AGBL1: variants seen among roughly 807,000 people sequenced by gnomAD.
The protein encoded by AGBL1 is cytosolic carboxypeptidase 4.
Under a neutral mutation model 118.9 loss-of-function variants are expected in AGBL1, and 130 were observed. That is an observed-to-expected ratio of 1.09 (90% CI 0.95 to 1.26). The LOEUF (loss-of-function observed/expected upper bound fraction) is 1.26. Among genes scored for constraint, AGBL1 ranks in the 50% most tolerant of loss-of-function variants. AGBL1 has a pLI of 0.00. For synonymous variants in AGBL1, 555 were observed against 478.9 expected (o/e 1.16, Z -2.08); for missense variants, 1,584 against 1,298.1 (o/e 1.22, Z -3.38).
chr15:86,551,072 G>A (rs1289151995), intron 20 of AGBL1, among the ~76,000 whole-genome samples: 1 of 151,960 alleles, frequency 6.6e-6, no homozygotes, highest in Non-Finnish European at 1.5e-5. Flanking sequence ...TTTATAGTAT[G>A]CAGCAAAAAT....
intron 17 of AGBL1, among the ~76,000 whole-genome samples, chr15:86,346,127 C>A (rs183193063): frequency 6.6e-6 from 1 of 151,508 alleles, no homozygotes; most frequent in South Asian, 2.1e-4. Flanking sequence ...GGATTACAGG[C>A]GTGTGCCACC....
chr15:86,849,747 G>A (rs1044493991), intron 22 of AGBL1, among the ~76,000 whole-genome samples: 3 of 152,168 alleles, frequency 2.0e-5, no homozygotes, highest in African/African-American at 4.8e-5. Context: ...CCGCAGGGGC[G>A]ATTCCCATTA....
At position 87,005,331 on chromosome 15, in the gene AGBL1, C is replaced by G. The variant is rs567337655; in HGVS notation, c.3323+17243C>G. ...CCCTGTCACTTTCAGGTACACCAAT[C>G]AGATGTAGATTTGGTCTTTTCACAT... On this transcript the variant is annotated intron_variant, in intron 24 of 24. Transcript: ENST00000441037. Among the ~76,000 whole-genome samples the G allele has an allele frequency of 3.4e-3, 517 of 152,334 alleles. 9 individuals carry two copies. Among genetic ancestry groups the G allele is most frequent in the African/African-American group, 0.012 (483 of 41,582 alleles).
chr15:86,364,276 A>C (rs1055877420), intron 17 of AGBL1, among the ~76,000 whole-genome samples: 21 of 152,196 alleles, frequency 1.4e-4, no homozygotes, highest in African/African-American at 4.8e-4. Flanking sequence ...AATAGTGAAC[A>C]TGAATGCGAA....
intron 22 of AGBL1, among the ~76,000 whole-genome samples, chr15:86,787,811 G>A (rs1055738571): frequency 6.6e-6 from 1 of 151,880 alleles, no homozygotes; most frequent in Non-Finnish European, 1.5e-5. Context: ...CCGAGTTTGT[G>A]GTCACTTAGG....
chr15:86,720,153 G>A (rs1026960024), intron 22 of AGBL1, among the ~76,000 whole-genome samples: 1 of 152,112 alleles, frequency 6.6e-6, no homozygotes, highest in Non-Finnish European at 1.5e-5. Flanking sequence ...ATACTTACAT[G>A]GGCAATCAAT....
intron 22 of AGBL1, among the ~76,000 whole-genome samples, chr15:86,745,933 A>G (rs923252606): frequency 6.6e-6 from 1 of 152,084 alleles, no homozygotes; most frequent in South Asian, 2.1e-4. Context: ...CATCTGGTCT[A>G]AGATACTCTG....
chr15:86,289,148 A>G (rs939480298), intron 16 of AGBL1, among the ~76,000 whole-genome samples: 6 of 152,116 alleles, frequency 3.9e-5, no homozygotes, highest in African/African-American at 1.2e-4. Context: ...AGTGCCTCTT[A>G]TATACAACAT....
intron 6 of AGBL1, among the ~76,000 whole-genome samples, chr15:86,230,332 C>G (rs1026229126): frequency 6.6e-6 from 1 of 152,188 alleles, no homozygotes; most frequent in Non-Finnish European, 1.5e-5. Flanking sequence ...AAGAAGGGGC[C>G]ATCTTTGATA....
intron 6 of AGBL1, among the ~76,000 whole-genome samples, chr15:86,240,802 C>T (rs1000488964): frequency 3.9e-5 from 6 of 152,110 alleles, no homozygotes; most frequent in African/African-American, 1.2e-4. Flanking sequence ...TGTCACGGTA[C>T]TCTGTATAGC....
At chr15:86,260,620 T>G (rs537522043) in intron 9 of AGBL1, among the ~76,000 whole-genome samples, 1 of 152,322 alleles carries the variant, frequency 6.6e-6, no homozygotes, top group East Asian at 1.9e-4. Context: ...GATGATAATC[T>G]GAAACACAAA....
intron 17 of AGBL1, among the ~76,000 whole-genome samples, chr15:86,304,445 C>T (rs1318367263): frequency 6.6e-6 from 1 of 152,230 alleles, no homozygotes; most frequent in Non-Finnish European, 1.5e-5. Context: ...CTCTTTATCA[C>T]ATGACCTTGC....
chr15:86,472,368 C>T (rs777902932), intron 18 of AGBL1, among the ~76,000 whole-genome samples: 85 of 152,154 alleles, frequency 5.6e-4, no homozygotes, highest in Non-Finnish European at 2.2e-4. Flanking sequence ...AAGATATCCT[C>T]TCCGACATCT....
At chr15:86,482,754 G>T (rs902761171) in intron 18 of AGBL1, among the ~76,000 whole-genome samples, 3 of 151,998 alleles carry the variant, frequency 2.0e-5, no homozygotes, top group Non-Finnish European at 4.4e-5. Flanking sequence ...TCCAAACTGG[G>T]TCTATACACA....
At chr15:86,975,714 T>C (rs1395480991) in intron 23 of AGBL1, among the ~76,000 whole-genome samples, 1 of 149,870 alleles carries the variant, frequency 6.7e-6, no homozygotes, top group Non-Finnish European at 1.5e-5. Context: ...TCCTTATTTT[T>C]GCTTAACCAT....
At chr15:86,119,503 G>T (rs946970226) in intron 1 of AGBL1, among the ~76,000 whole-genome samples, 1 of 152,260 alleles carries the variant, frequency 6.6e-6, no homozygotes, top group South Asian at 2.1e-4. Context: ...TTCAATAGTC[G>T]TGATAAGTGG....
At chr15:86,797,511 C>T (rs928472389) in intron 22 of AGBL1, among the ~76,000 whole-genome samples, 3 of 152,184 alleles carry the variant, frequency 2.0e-5, no homozygotes, top group African/African-American at 7.2e-5. Flanking sequence ...AAAAATGCAC[C>T]AGGCAATTGC....
intron 23 of AGBL1, among the ~76,000 whole-genome samples, chr15:86,929,395 A>C (rs990483007): frequency 2.0e-5 from 3 of 152,206 alleles, no homozygotes; most frequent in Non-Finnish European, 4.4e-5. Context: ...CCTCTGGACA[A>C]TACACAAAAT....
rs527547258 is a variant in AGBL1, at chr15:86,274,698, C to T, written c.2075+2992C>T. Among the ~76,000 whole-genome samples, 18 of 152,242 alleles carry T rather than the reference C, an allele frequency of 1.2e-4. No individual in the cohort carries two copies. In the East Asian group the frequency reaches 2.5e-3, roughly 21 times the overall value. ...TTTTTCATACTCCAGCCCTGGAATA[C>T]GACAGTGATGAGTGGATAAGATTGC... On this transcript the variant is annotated intron_variant, in intron 15 of 22. Coordinates refer to ENST00000614907, the MANE Select transcript of AGBL1 (RefSeq NM_001386094.1).
Sources: gnomAD v4.1 joint callset for allele counts (sites outside exome capture counted in the v4.1 genomes callset) on GRCh38, gnomAD v4.1.1 for gene constraint, MANE v1.5 for transcripts, NCBI Gene and HGNC (gene_info 2026-07-23, HGNC 2026-07-21) for gene names.